The following CRY2 variants were observed in gnomAD, a reference collection of about 807,000 sequenced individuals.
CRY2 encodes cryptochrome-2.
In CRY2, 31 loss-of-function variants were observed where a neutral mutation model predicts 69.5. The observed-to-expected ratio is 0.45, with a 90% CI of 0.34 to 0.60. The LOEUF (loss-of-function observed/expected upper bound fraction) is 0.60, where lower values mean the gene tolerates loss of function less well. Ranked by LOEUF, CRY2 falls within the 20% of genes least tolerant of loss-of-function variation. CRY2 has a pLI of 0.02. For synonymous variants in CRY2, 303 were observed against 312.2 expected (o/e 0.97, Z 0.31); for missense variants, 606 against 797.8 (o/e 0.76, Z 2.90).
At chr11:45,860,781 TTGGG>T (rs764974919) in intron 3 of CRY2, 63 bp from the exon 4 acceptor site, 61 of 1,547,712 alleles carry the variant, frequency 3.9e-5, no homozygotes, top group Non-Finnish European at 5.4e-5. Context: ...GGGTTCTTTT[TTGGG>T]TGGGCAGGGA....
At chr11:45,864,317 A>G (rs1365222319) in intron 5 of CRY2, among the ~76,000 whole-genome samples, 2 of 152,354 alleles carry the variant, frequency 1.3e-5, no homozygotes, top group Admixed American at 1.3e-4. Context: ...AGAAAATTAA[A>G]TAACATATTA....
At chr11:45,863,379 C>T (rs2086303564) in intron 5 of CRY2, among the ~76,000 whole-genome samples, 1 of 151,988 alleles carries the variant, frequency 6.6e-6, no homozygotes, top group South Asian at 2.1e-4. Flanking sequence ...TCCCTTAGGT[C>T]ACCGACAGGA....
intron 11 of CRY2, among the ~76,000 whole-genome samples, chr11:45,879,206 G>A (rs537140498): frequency 1.3e-5 from 2 of 151,630 alleles, no homozygotes; most frequent in East Asian, 3.9e-4. Flanking sequence ...TCCAGCCTGG[G>A]CACTAAGAGT....
At chr11:45,872,289 C>G in intron 11 of CRY2, 56 bp downstream of exon 11, 1 of 1,519,990 alleles carries the variant, frequency 6.6e-7, no homozygotes, top group Non-Finnish European at 9.1e-7. Flanking sequence ...GTGGGGGGGC[C>G]TACTGCCCTG....
At chr11:45,849,599 C>T (rs2086179080) in intron 1 of CRY2, among the ~76,000 whole-genome samples, 1 of 151,082 alleles carries the variant, frequency 6.6e-6, no homozygotes, top group African/African-American at 2.4e-5. Flanking sequence ...TAAAAGATAC[C>T]TGGGCCCCTT....
At position 45,882,836 on chromosome 11, in the gene CRY2, C is replaced by G. The variant is rs894921143; in HGVS notation, c.*1925C>G. 2 of 397,582 alleles carry G rather than the reference C, an allele frequency of 5.0e-6. No individual in the cohort carries two copies. The highest frequency in any genetic ancestry group is 8.9e-6 in the Non-Finnish European group (2 of 225,892). The allele number at this position is 397,582 out of a possible 1,614,324, so 24.6% of individuals were successfully genotyped here. ...AGCGCCTTCGGGTAGCAGGATGATT[C>G]CTTTTCCTGCCTGTCTGCTGCTGGC... On this transcript the variant is annotated 3_prime_UTR_variant, in exon 12 of 12. Transcript: ENST00000616080.
At chr11:45,867,566 G>GCC in intron 5 of CRY2, 46 bp from the exon 6 acceptor site, 1 of 1,608,832 alleles carries the variant, frequency 6.2e-7, no homozygotes, top group South Asian at 1.1e-5. Context: ...TTTTTCCTCT[G>GCC]TTACATCCAA....
intron 2 of CRY2, chr11:45,858,482 A>C (rs1313634541): frequency 2.2e-6 from 1 of 464,698 alleles, no homozygotes; most frequent in Non-Finnish European, 3.8e-6. Flanking sequence ...CAAGTGCACA[A>C]GGCTGCCTAC....
intron 1 of CRY2, among the ~76,000 whole-genome samples, chr11:45,848,148 C>T (rs1032619410): frequency 6.6e-6 from 1 of 152,208 alleles, no homozygotes; most frequent in Non-Finnish European, 1.5e-5. Context: ...CGTTGCTGGG[C>T]TCGGGGAGAT....
chr11:45,847,288 A>C (rs775044218), upstream of CRY2: 199 of 1,505,990 alleles, frequency 1.3e-4, no homozygotes, highest in Admixed American at 1.8e-3. Context: ...CATGGTAGGA[A>C]CGTGAGGGGG....
At chr11:45,847,184 C>G (rs1333415126), upstream of CRY2, 1 of 1,548,716 alleles carries the variant, frequency 6.5e-7, no homozygotes, top group Admixed American at 2.0e-5. Flanking sequence ...TGAGACTTGG[C>G]CTACTCCCGG....
At chr11:45,852,996 C>G (rs2086209194) in intron 1 of CRY2, among the ~76,000 whole-genome samples, 1 of 152,154 alleles carries the variant, frequency 6.6e-6, no homozygotes, top group Non-Finnish European at 1.5e-5. Flanking sequence ...TGTGGTGCTC[C>G]CTAATGGCTG....
chr11:45,879,257 G>A lies in CRY2; in HGVS notation c.*3-1657G>A, dbSNP rs184199403. Among the ~76,000 whole-genome samples the A allele has an allele frequency of 2.9e-3, 440 of 151,976 alleles. 3 individuals are homozygous for A. The highest frequency in any genetic ancestry group is 9.9e-3 in the African/African-American group (412 of 41,464). On this transcript the variant is annotated intron_variant, in intron 11 of 11. Transcript: ENST00000616080. ...AAAAAAAAAAAGAATAAGACACACA[G>A]TACTGACCTATACAGGCACCCACTC...
At position 45,882,066 on chromosome 11, in the gene CRY2, CCATT is replaced by C. The variant is rs1210038857; in HGVS notation, c.*1157_*1160del. Reference sequence around the variant, plus strand: ...CCAAGTAGAGATTACACCCAGAACACCATTCCTTCCAGGAGCAGTAGGTGGGAGG... The same window carrying C: ...CCAAGTAGAGATTACACCCAGAACACCCTTCCAGGAGCAGTAGGTGGGAGG... On this transcript the variant is annotated 3_prime_UTR_variant, in exon 12 of 12. Coordinates refer to ENST00000616080, the MANE Select transcript of CRY2 (RefSeq NM_021117.5). The C allele has an allele frequency of 6.6e-6, 1 of 152,294 alleles. No individual in the cohort carries two copies. Among genetic ancestry groups the C allele is most frequent in the Admixed American group, 6.5e-5 (1 of 15,288 alleles). 9.4% of individuals were successfully genotyped at this position (152,294 alleles called of 1,614,324 possible).
Position 45,870,985 on chromosome 11 carries a change from C to T in CRY2, c.1642+51C>T, listed in dbSNP as rs1408499197. ...TGGCCTCCTGTGGCCTGTGCCACCA[C>T]TTCAGTCATTCAGGACTGAGGCCAG... On this transcript the variant is annotated intron_variant, in intron 10 of 11. Transcript: ENST00000616080. The T allele has an allele frequency of 2.7e-6, 4 of 1,485,118 alleles. No homozygotes were observed. The East Asian group carries it at 9.3e-5, about 34-fold the overall frequency. 92.0% of individuals were successfully genotyped at this position (1,485,118 alleles called of 1,614,324 possible).
intron 11 of CRY2, among the ~76,000 whole-genome samples, chr11:45,877,949 G>T (rs2086436606): frequency 6.6e-6 from 1 of 152,152 alleles, no homozygotes; most frequent in Non-Finnish European, 1.5e-5. Context: ...ATCATAGAGG[G>T]ACTTGGGTGA....
At chr11:45,863,952 A>G (rs929499963) in intron 5 of CRY2, among the ~76,000 whole-genome samples, 1 of 152,186 alleles carries the variant, frequency 6.6e-6, no homozygotes, top group Non-Finnish European at 1.5e-5. Flanking sequence ...ATCTCTCTAT[A>G]AAAGTATTCT....
chr11:45,857,240 T>G (rs2086247891), intron 2 of CRY2, among the ~76,000 whole-genome samples: 1 of 152,218 alleles, frequency 6.6e-6, no homozygotes, highest in Admixed American at 6.5e-5. Flanking sequence ...AGTGCTTGTT[T>G]ACATCAACTG....
At chr11:45,867,329 G>T in intron 5 of CRY2, 1 of 398,816 alleles carries the variant, frequency 2.5e-6, no homozygotes, top group Non-Finnish European at 4.5e-6. Context: ...ATCCACAGAA[G>T]ATTGGAAATT....
Sources: gnomAD v4.1 joint callset for allele counts (sites outside exome capture counted in the v4.1 genomes callset) on GRCh38, gnomAD v4.1.1 for gene constraint, MANE v1.5 for transcripts, NCBI Gene and HGNC (gene_info 2026-07-23, HGNC 2026-07-21) for gene names.